The following PPP2R5E variants were observed in gnomAD, a reference collection of about 807,000 sequenced individuals.
PPP2R5E encodes serine/threonine-protein phosphatase 2A 56 kDa regulatory subunit epsilon isoform.
A neutral mutation model predicts 65.3 loss-of-function variants in PPP2R5E; 4 were observed. The observed-to-expected ratio is 0.06, with a 90% confidence interval of 0.03 to 0.14. The LOEUF is 0.14. PPP2R5E is among the 10% of genes least tolerant of loss of function. The pLI is 1.00. For synonymous variants in PPP2R5E, 183 were observed against 187.4 expected (o/e 0.98, Z 0.19); for missense variants, 274 against 556.1 (o/e 0.49, Z 5.10).
intron 4 of PPP2R5E, among the ~76,000 whole-genome samples, chr14:63,418,744 T>C (rs1886839127): frequency 1.3e-5 from 2 of 151,818 alleles, no homozygotes; most frequent in South Asian, 2.1e-4. Context: ...ACATACAGAG[T>C]AGACCCCTTT....
chr14:63,455,760 G>C (rs1404918408), intron 2 of PPP2R5E, among the ~76,000 whole-genome samples: 3 of 151,958 alleles, frequency 2.0e-5, no homozygotes, highest in Non-Finnish European at 4.4e-5. Context: ...AAAATCTTTC[G>C]AGATCGAAAT....
intron 2 of PPP2R5E, among the ~76,000 whole-genome samples, chr14:63,470,528 G>A (rs1325835876): frequency 2.6e-5 from 4 of 151,446 alleles, no homozygotes; most frequent in African/African-American, 9.7e-5. Flanking sequence ...CTACTAAAGG[G>A]TTAAGGGGTT....
At chr14:63,525,495 CAGAG>C (rs1893152564) in intron 2 of PPP2R5E, among the ~76,000 whole-genome samples, 1 of 152,198 alleles carries the variant, frequency 6.6e-6, no homozygotes, top group Non-Finnish European at 1.5e-5. Context: ...CTCCCTTCTA[CAGAG>C]AGAGATGACA....
At chr14:63,416,412 C>T (rs1041909105) in intron 4 of PPP2R5E, among the ~76,000 whole-genome samples, 1 of 152,112 alleles carries the variant, frequency 6.6e-6, no homozygotes, top group African/African-American at 2.4e-5. Context: ...TTTGTCTCTT[C>T]GATTTTATAA....
chr14:63,436,143 C>G (rs979880156), intron 3 of PPP2R5E, among the ~76,000 whole-genome samples: 2 of 152,142 alleles, frequency 1.3e-5, no homozygotes, highest in Non-Finnish European at 2.9e-5. Context: ...TAGAAGGTTA[C>G]TAAAACTGAA....
At chr14:63,485,399 GT>G (rs369783942) in intron 2 of PPP2R5E, among the ~76,000 whole-genome samples, 1 of 151,502 alleles carries the variant, frequency 6.6e-6, no homozygotes, top group Admixed American at 6.6e-5. Context: ...GCCATGGTTT[GT>G]TTTTTTTGTT....
intron 2 of PPP2R5E, among the ~76,000 whole-genome samples, chr14:63,481,495 CAAAAAAAA>C (rs59764365): frequency 0.48 from 45,381 of 93,662 alleles, 9,519 homozygotes; most frequent in African/African-American, 0.67. Context: ...GACTCCATCT[CAAAAAAAA>C]AAAAAAAAAA....
chr14:63,421,796 A>T (rs543333620), intron 4 of PPP2R5E, among the ~76,000 whole-genome samples, 197 bp downstream of exon 4: 1 of 152,204 alleles, frequency 6.6e-6, no homozygotes, highest in Non-Finnish European at 1.5e-5. Flanking sequence ...GGGACACTAA[A>T]GCATCACACT....
intron 5 of PPP2R5E, among the ~76,000 whole-genome samples, chr14:63,397,011 C>T (rs1209264488): frequency 3.3e-5 from 5 of 152,200 alleles, no homozygotes; most frequent in African/African-American, 7.2e-5. Context: ...AAGCAATCTA[C>T]ATATTAATCC....
At chr14:63,444,839 A>G (rs1888398718) in intron 3 of PPP2R5E, among the ~76,000 whole-genome samples, 1 of 152,222 alleles carries the variant, frequency 6.6e-6, no homozygotes, top group South Asian at 2.1e-4. Context: ...AGCAAAGCCT[A>G]AAGGAGCTGG....
At chr14:63,519,465 C>T (rs1199013916) in intron 2 of PPP2R5E, among the ~76,000 whole-genome samples, 3 of 151,038 alleles carry the variant, frequency 2.0e-5, no homozygotes, top group African/African-American at 2.4e-5. Context: ...ATTCTCCCCC[C>T]GAGTAGCTGC....
intron 2 of PPP2R5E, among the ~76,000 whole-genome samples, chr14:63,479,748 A>C (rs1288379635): frequency 6.6e-6 from 1 of 152,240 alleles, no homozygotes; most frequent in Non-Finnish European, 1.5e-5. Flanking sequence ...AATCCCAGTT[A>C]GTGAAATGAA....
intron 2 of PPP2R5E, among the ~76,000 whole-genome samples, chr14:63,531,712 G>T (rs1030537727): frequency 9.2e-5 from 14 of 151,844 alleles, no homozygotes; most frequent in Non-Finnish European, 2.1e-4. Flanking sequence ...CCAGCACTTT[G>T]GGAGGCCAAA....
At chr14:63,388,697 T>G (rs1014409568) in intron 11 of PPP2R5E, among the ~76,000 whole-genome samples, 4 of 152,214 alleles carry the variant, frequency 2.6e-5, no homozygotes, top group African/African-American at 9.6e-5. Flanking sequence ...TATTAACATG[T>G]CTTTTGGTCA....
chr14:63,444,753 A>G (rs1888394474), intron 3 of PPP2R5E, among the ~76,000 whole-genome samples: 1 of 152,234 alleles, frequency 6.6e-6, no homozygotes, highest in Admixed American at 6.5e-5. Flanking sequence ...CCAAAAAGGC[A>G]TTAGCATAAT....
intron 2 of PPP2R5E, among the ~76,000 whole-genome samples, chr14:63,470,348 C>G: frequency 6.6e-6 from 1 of 151,814 alleles, no homozygotes; most frequent in Middle Eastern, 3.4e-3. Flanking sequence ...GCTGGGATTA[C>G]AAGTGTGAGC....
At chr14:63,386,106 G>A (rs547749495) in intron 11 of PPP2R5E, among the ~76,000 whole-genome samples, 1 of 152,240 alleles carries the variant, frequency 6.6e-6, no homozygotes. Context: ...TTTTAGAAGA[G>A]AACAAAATGG....
intron 2 of PPP2R5E, among the ~76,000 whole-genome samples, chr14:63,475,398 G>A (rs1044376025): frequency 2.6e-5 from 4 of 152,202 alleles, no homozygotes; most frequent in Non-Finnish European, 4.4e-5. Flanking sequence ...TGGATATAAA[G>A]GGGCAGTCTA....
chr14:63,418,413 T>A (rs1886817212), intron 4 of PPP2R5E, among the ~76,000 whole-genome samples: 1 of 152,224 alleles, frequency 6.6e-6, no homozygotes, highest in Non-Finnish European at 1.5e-5. Flanking sequence ...ACTTCAGACA[T>A]ATTTATTAAT....
Sources: gnomAD v4.1 joint callset for allele counts (sites outside exome capture counted in the v4.1 genomes callset) on GRCh38, gnomAD v4.1.1 for gene constraint, MANE v1.5 for transcripts, NCBI Gene and HGNC (gene_info 2026-07-23, HGNC 2026-07-21) for gene names.